Variants in EYS observed in about 807,000 individuals in gnomAD.
EYS encodes the protein protein eyes shut homolog.
Under a neutral mutation model 282.1 loss-of-function variants are expected in EYS, and 250 were observed. The ratio of observed to expected loss-of-function variants is 0.89; its 90% CI spans 0.80 to 0.98. The LOEUF (loss-of-function observed/expected upper bound fraction) is 0.98, where lower values mean the gene tolerates loss of function less well. Ranked by LOEUF, EYS falls within the 50% of genes least tolerant of loss-of-function variation. The probability of loss-of-function intolerance (pLI) is 0.00; values close to 1 mark genes in which losing one functional copy is unlikely to be tolerated. For synonymous variants in EYS, 1,355 were observed against 1,282.9 expected (o/e 1.06, Z -1.20); for missense variants, 4,016 against 3,709.0 (o/e 1.08, Z -2.15).
chr6:63,782,243 A>G (rs1013262392), intron 39 of EYS, among the ~76,000 whole-genome samples: 1 of 152,198 alleles, frequency 6.6e-6, no homozygotes, highest in African/African-American at 2.4e-5. Flanking sequence ...AGGCTTTGGT[A>G]TCAGGATGAT....
At chr6:64,161,882 G>T (rs1422562419) in intron 31 of EYS, among the ~76,000 whole-genome samples, 3 of 152,148 alleles carry the variant, frequency 2.0e-5, no homozygotes, top group Admixed American at 2.0e-4. Flanking sequence ...TTTTCAGGAA[G>T]AGTTTGCAGT....
chr6:64,434,504 A>G lies in EYS; in HGVS notation c.5927+1670T>C, dbSNP rs748863723. On this transcript the variant is annotated intron_variant, in intron 28 of 42. Transcript: ENST00000503581. ...AGTATTTTTACTGGACACATCATTT[A>G]TAACTCTTATCTTTACCTGATCTTG... Among the ~76,000 whole-genome samples the G allele has an allele frequency of 2.6e-5, 4 of 152,072 alleles. No homozygotes were observed. In the South Asian group the frequency reaches 8.3e-4, roughly 31 times the overall value.
chr6:65,025,148 A>G (rs1772367448), intron 13 of EYS, among the ~76,000 whole-genome samples: 1 of 152,248 alleles, frequency 6.6e-6, no homozygotes, highest in African/African-American at 2.4e-5. Flanking sequence ...TGTACCTATC[A>G]TAAAATTAAA....
rs575945999 is a variant in EYS, at chr6:64,091,387, T to G, written c.6425-9385A>C. ...CTTCCCTCACCCCCAGATTAACCTT[T>G]CCCAGAGACAGAGAAAGCCAGCAAG... is the stretch of plus-strand genomic sequence containing the variant. On this transcript the variant is annotated intron_variant, in intron 31 of 42. Coordinates refer to ENST00000503581, the MANE Select transcript of EYS (RefSeq NM_001142800.2). Among the ~76,000 whole-genome samples the G allele has an allele frequency of 2.6e-5, 4 of 152,280 alleles. No homozygotes were observed. The South Asian group carries it at 8.3e-4, about 32-fold the overall frequency.
In EYS at chr6:65,277,963, G is replaced by A. The variant is rs1768094979; in HGVS notation, c.2023+17900C>T. Among the ~76,000 whole-genome samples, 3 of 150,398 alleles carry A rather than the reference G, an allele frequency of 2.0e-5. No homozygotes were observed. In the South Asian group the frequency reaches 6.3e-4, roughly 32 times the overall value. ...CATTGTGGGTGTTTCTATAACACCTGGATAAGGAGGGATTCCTTCTGTCTG... is the reference window on the plus strand; with the variant it reads ...CATTGTGGGTGTTTCTATAACACCTAGATAAGGAGGGATTCCTTCTGTCTG... On this transcript the variant is annotated intron_variant, in intron 12 of 42. Transcript: ENST00000503581.
intron 2 of EYS, among the ~76,000 whole-genome samples, chr6:65,515,766 G>T (rs1240890182): frequency 5.6e-5 from 7 of 125,524 alleles, no homozygotes; most frequent in African/African-American, 9.2e-5. Context: ...ACAGGAAGGG[G>T]AACATCACAC....
At chr6:64,278,099 C>A (rs1768175472) in intron 30 of EYS, among the ~76,000 whole-genome samples, 2 of 152,080 alleles carry the variant, frequency 1.3e-5, no homozygotes, top group African/African-American at 4.8e-5. Flanking sequence ...AGCATTATAG[C>A]TCTTACAGCA....
intron 12 of EYS, among the ~76,000 whole-genome samples, chr6:65,198,110 AC>A (rs1765813101): frequency 6.6e-6 from 1 of 152,068 alleles, no homozygotes; most frequent in African/African-American, 2.4e-5. Context: ...AGTAATTATA[AC>A]TTTTTAGTAC....
intron 1 of EYS, among the ~76,000 whole-genome samples, chr6:65,702,950 G>C (rs1443726044): frequency 2.0e-5 from 3 of 152,228 alleles, no homozygotes; most frequent in South Asian, 2.1e-4. Context: ...AGGAGACTTA[G>C]AGTAAAGAAA....
At chr6:64,451,680 C>T (rs1775350791) in intron 26 of EYS, among the ~76,000 whole-genome samples, 3 of 152,168 alleles carry the variant, frequency 2.0e-5, no homozygotes, top group Middle Eastern at 3.2e-3. Context: ...CGGGCTTCAT[C>T]CCCGGGATGC....
chr6:64,561,766 A>G (rs1383770811), intron 26 of EYS, among the ~76,000 whole-genome samples: 1 of 152,034 alleles, frequency 6.6e-6, no homozygotes, highest in Non-Finnish European at 1.5e-5. Context: ...CAATTTACAG[A>G]TGTAATACTA....
At chr6:64,179,958 T>G (rs1764742120) in intron 31 of EYS, among the ~76,000 whole-genome samples, 1 of 152,100 alleles carries the variant, frequency 6.6e-6, no homozygotes, top group Admixed American at 6.6e-5. Flanking sequence ...ATTTTCCAAA[T>G]TGTATACAGA....
chr6:64,630,627 C>T (rs1006538288), intron 22 of EYS, among the ~76,000 whole-genome samples: 17 of 152,106 alleles, frequency 1.1e-4, no homozygotes, highest in African/African-American at 3.9e-4. Flanking sequence ...CTAAGGTTTG[C>T]TTTCCTGGAA....
Position 64,190,120 on chromosome 6 carries a change from C to T in EYS, c.6424+40472G>A, listed in dbSNP as rs188613437. Among the ~76,000 whole-genome samples, 23 of 152,194 alleles carry T rather than the reference C, an allele frequency of 1.5e-4. No individual in the cohort carries two copies. In the East Asian group the frequency reaches 3.7e-3, roughly 24 times the overall value. On this transcript the variant is annotated intron_variant, in intron 31 of 42. Coordinates refer to ENST00000503581, the MANE Select transcript of EYS (RefSeq NM_001142800.2). The stretch of plus-strand genomic sequence containing the variant: ...GAGTGGAGACAGATCATGAATGTGG[C>T]GACACTGTGAAGGTACCGATAAGTA...
At chr6:63,777,038 A>G (rs1329603380) in intron 40 of EYS, among the ~76,000 whole-genome samples, 1 of 152,220 alleles carries the variant, frequency 6.6e-6, no homozygotes, top group East Asian at 1.9e-4. Context: ...AGCTAATGCC[A>G]AAAGTTATTG....
intron 31 of EYS, among the ~76,000 whole-genome samples, chr6:64,095,338 A>G (rs1343278565): frequency 6.6e-6 from 1 of 152,034 alleles, no homozygotes; most frequent in African/African-American, 2.4e-5. Context: ...TGATCTGTCT[A>G]ATGTTGACAG....
intron 35 of EYS, among the ~76,000 whole-genome samples, chr6:63,875,498 G>A (rs1033120150): frequency 2.6e-5 from 4 of 152,172 alleles, no homozygotes; most frequent in Admixed American, 6.5e-5. Context: ...AATGAGTTAT[G>A]GAGGAGTCCC....
At chr6:65,648,255 T>C (rs1262661750) in intron 1 of EYS, among the ~76,000 whole-genome samples, 3 of 151,552 alleles carry the variant, frequency 2.0e-5, no homozygotes, top group East Asian at 3.9e-4. Context: ...GAATCTGCAA[T>C]TGCAAAAAAT....
chr6:64,463,124 G>T (rs1288880534), intron 26 of EYS, among the ~76,000 whole-genome samples: 4 of 151,196 alleles, frequency 2.6e-5, no homozygotes, highest in African/African-American at 9.7e-5. Context: ...TTATTTTTTG[G>T]ATTTTTTTAC....
Sources: allele counts gnomAD v4.1 joint callset (sites outside exome capture counted in the v4.1 genomes callset), GRCh38; gene constraint gnomAD v4.1.1; transcripts MANE v1.5; gene names NCBI Gene and HGNC (gene_info 2026-07-23, HGNC 2026-07-21).